Variants in KLHL4 observed in about 807,000 individuals in gnomAD.
KLHL4 encodes the protein kelch-like protein 4.
A neutral mutation model predicts 45.8 loss-of-function variants in KLHL4; 17 were observed. The ratio of observed to expected loss-of-function variants is 0.37; its 90% CI spans 0.25 to 0.56. KLHL4 has a LOEUF of 0.56. Ranked by LOEUF, KLHL4 falls within the 20% of genes least tolerant of loss-of-function variation. The probability of loss-of-function intolerance (pLI) is 0.79; values close to 1 mark genes in which losing one functional copy is unlikely to be tolerated. For missense variants in KLHL4, 544 were observed against 544.9 expected (o/e 1.00, Z 0.02); for synonymous variants, 224 against 189.9 (o/e 1.18, Z -1.47).
rs1251793461 is a variant in KLHL4 at position 87,632,367 on chromosome X, A to C, written c.1482A>C (p.Glu494Asp). 5 of 1,209,370 alleles carry C rather than the reference A, an allele frequency of 4.1e-6. No individual in the cohort carries two copies. The highest frequency in any genetic ancestry group is 3.5e-5 in the South Asian group (2 of 56,784). ...RDGLKTLNTVECFNPVGKIWT... is the reference protein window; with the variant it reads ...RDGLKTLNTVDCFNPVGKIWT... Reference sequence around the variant, plus strand: ...GTTTAAAAACTTTGAATACAGTGGAATGTTTTAATCCAGTTGGCAAAATCT... The same window carrying C: ...GTTTAAAAACTTTGAATACAGTGGACTGTTTTAATCCAGTTGGCAAAATCT... The change falls in exon 7 of 11, where the codon GAA becomes GAC. Residue 494 changes from glutamate to aspartate, a missense_variant. Physicochemically the swap from Glu to Asp is conservative, Grantham distance 45. Transcript: ENST00000373119.
At chrX:87,539,584 T>A (rs947643684) in intron 1 of KLHL4, among the ~76,000 whole-genome samples, 2 of 110,624 alleles carry the variant, frequency 1.8e-5, no homozygotes, top group Admixed American at 9.7e-5. Flanking sequence ...ATATATGTAA[T>A]TTTTTTGCAT....
intron 9 of KLHL4, among the ~76,000 whole-genome samples, chrX:87,660,891 C>T (rs967724302): frequency 5.4e-5 from 6 of 111,641 alleles, no homozygotes; most frequent in African/African-American, 2.0e-4. Context: ...CATCGGAGTG[C>T]GAAACTCATG....
chrX:87,553,961 T>A (rs1212507316), intron 1 of KLHL4, among the ~76,000 whole-genome samples: 1 of 109,234 alleles, frequency 9.2e-6, no homozygotes. Flanking sequence ...CCCAGCACCA[T>A]TTTTAAATAG....
intron 1 of KLHL4, among the ~76,000 whole-genome samples, chrX:87,593,247 T>C (rs1467135594): frequency 2.7e-5 from 3 of 111,561 alleles, no homozygotes; most frequent in Non-Finnish European, 5.7e-5. Flanking sequence ...TGAAAGTGTC[T>C]AGTGAATATT....
intron 6 of KLHL4, among the ~76,000 whole-genome samples, chrX:87,628,000 T>C (rs1308014600): frequency 9.0e-6 from 1 of 111,677 alleles, no homozygotes; most frequent in Non-Finnish European, 1.9e-5. Context: ...CTCTGGACTC[T>C]ATTACCAAAG....
chrX:87,651,750 G>T (rs1044096896), intron 9 of KLHL4, among the ~76,000 whole-genome samples: 3 of 112,121 alleles, frequency 2.7e-5, no homozygotes, highest in Admixed American at 9.4e-5. Flanking sequence ...TCACAGACTG[G>T]CATTGAGTGT....
chrX:87,565,704 AAAAAAAAAAG>A (rs58081907), intron 1 of KLHL4, among the ~76,000 whole-genome samples: 17,064 of 97,172 alleles, frequency 0.18, 1,897 homozygotes, highest in East Asian at 0.4. Flanking sequence ...AAAAAAAAAA[AAAAAAAAAAG>A]GAAATGAATT....
rs182834393 is a variant in KLHL4, at chrX:87,585,476, A to G, written c.423-28401A>G. ...AACAAAATGTTAAAGCAGGGGTAAT[A>G]GCTAAAACAGATTTTTTTTATTAGT... On this transcript the variant is annotated intron_variant, in intron 1 of 10. Transcript: ENST00000373119. 2.2e-3 allele frequency among the ~76,000 whole-genome samples: 247 copies of G among 111,747 alleles called. 1 individual carries two copies. Among genetic ancestry groups the G allele is most frequent in the Non-Finnish European group, 4.1e-3 (215 of 52,958 alleles).
intron 1 of KLHL4, among the ~76,000 whole-genome samples, chrX:87,580,075 CAT>C (rs1296759375): frequency 9.0e-6 from 1 of 111,257 alleles, no homozygotes; most frequent in Non-Finnish European, 1.9e-5. Context: ...ACATCAAAAA[CAT>C]AAAGTGTGTA....
At chrX:87,605,877 C>A (rs1922178676) in intron 1 of KLHL4, among the ~76,000 whole-genome samples, 1 of 110,990 alleles carries the variant, frequency 9.0e-6, no homozygotes, top group African/African-American at 3.3e-5. Flanking sequence ...AATATATGGC[C>A]TTTATTGTAC....
intron 1 of KLHL4, among the ~76,000 whole-genome samples, chrX:87,518,534 A>G (rs1039454585): frequency 8.9e-6 from 1 of 111,771 alleles, no homozygotes; most frequent in Non-Finnish European, 1.9e-5. Context: ...GTGGGTTATG[A>G]GTTTACTTCT....
intron 1 of KLHL4, among the ~76,000 whole-genome samples, chrX:87,555,031 T>C (rs545958450): frequency 1.1e-4 from 11 of 102,438 alleles, no homozygotes; most frequent in South Asian, 4.6e-4. Context: ...TATTGATTTG[T>C]GTATATTGAA....
At chrX:87,551,470 A>G (rs1470659428) in intron 1 of KLHL4, among the ~76,000 whole-genome samples, 5 of 111,328 alleles carry the variant, frequency 4.5e-5, no homozygotes, top group African/African-American at 1.6e-4. Flanking sequence ...AAATACTACC[A>G]TCATTCTTTA....
intron 9 of KLHL4, among the ~76,000 whole-genome samples, chrX:87,647,131 A>T (rs750113403): frequency 1.8e-4 from 20 of 112,264 alleles, no homozygotes; most frequent in Non-Finnish European, 3.8e-5. Context: ...AACATATTTT[A>T]AAAATGTTCA....
intron 1 of KLHL4, among the ~76,000 whole-genome samples, chrX:87,522,685 G>A (rs1931025789): frequency 2.7e-5 from 3 of 112,205 alleles, no homozygotes. Flanking sequence ...AAATCTTTTT[G>A]CCTATGGTTT....
chrX:87,638,902 CA>C (rs1315459231), intron 9 of KLHL4, among the ~76,000 whole-genome samples: 1 of 111,158 alleles, frequency 9.0e-6, no homozygotes, highest in Non-Finnish European at 1.9e-5. Context: ...TGTAGAATGG[CA>C]AAATTGATAA....
chrX:87,633,616 A>G (rs1923168107), intron 7 of KLHL4, 133 bp from the exon 8 acceptor site: 1 of 435,529 alleles, frequency 2.3e-6, no homozygotes, highest in South Asian at 5.5e-5. Context: ...GAGTCAGTAA[A>G]CTATTCATAT....
intron 1 of KLHL4, among the ~76,000 whole-genome samples, chrX:87,564,453 G>T (rs2147786581): frequency 9.0e-6 from 1 of 110,847 alleles, no homozygotes; most frequent in African/African-American, 3.3e-5. Flanking sequence ...TTCACTTTTA[G>T]ATCAAGACAC....
At chrX:87,584,547 G>C (rs1921393349) in intron 1 of KLHL4, among the ~76,000 whole-genome samples, 1 of 111,533 alleles carries the variant, frequency 9.0e-6, no homozygotes, top group Non-Finnish European at 1.9e-5. Flanking sequence ...AGAAATCCTG[G>C]AGCATAAAAG....
Sources: allele counts gnomAD v4.1 joint callset (sites outside exome capture counted in the v4.1 genomes callset), GRCh38; gene constraint gnomAD v4.1.1; transcripts MANE v1.5; gene names NCBI Gene and HGNC (gene_info 2026-07-23, HGNC 2026-07-21).